RARB: variants seen among roughly 807,000 people sequenced by gnomAD.
The protein encoded by RARB is retinoic acid receptor beta, also known as HBV-activated protein.
RARB carries 17 observed loss-of-function variants against 51.9 expected under a neutral mutation model. The observed-to-expected ratio is 0.33, with a 90% CI of 0.22 to 0.49. RARB has a LOEUF of 0.49. Ranked by LOEUF, RARB falls within the 20% of genes least tolerant of loss-of-function variation. RARB has a pLI of 0.99. For missense variants in RARB, 369 were observed against 550.8 expected, an observed-to-expected ratio of 0.67 and a Z score of 3.30; for synonymous variants, 215 against 195.4, an observed-to-expected ratio of 1.10 and a Z score of -0.84.
chr3:25,084,488 A>G (rs1324599662), intron 3 of RARB, among the ~76,000 whole-genome samples: 1 of 152,038 alleles, frequency 6.6e-6, no homozygotes, highest in African/African-American at 2.4e-5. Flanking sequence ...TGTTTAGATT[A>G]CACTGGAAAT....
intron 1 of RARB, among the ~76,000 whole-genome samples, chr3:25,455,181 C>A (rs1285424403): frequency 1.3e-5 from 2 of 152,148 alleles, no homozygotes; most frequent in Non-Finnish European, 2.9e-5. Context: ...ACTTTTGGAG[C>A]AATTTGACAG....
chr3:25,389,460 T>G (rs559408961), intron 5 of RARB, among the ~76,000 whole-genome samples: 2 of 152,150 alleles, frequency 1.3e-5, no homozygotes, highest in African/African-American at 4.8e-5. Context: ...AGTCTCAATT[T>G]CCTCATCAGT....
intron 2 of RARB, among the ~76,000 whole-genome samples, chr3:24,895,307 A>G (rs544968374): frequency 6.6e-6 from 1 of 152,286 alleles, no homozygotes; most frequent in Admixed American, 6.5e-5. Flanking sequence ...TAGATTTGAT[A>G]TTACTTTTAT....
intron 3 of RARB, among the ~76,000 whole-genome samples, chr3:25,118,458 T>C (rs1206147314): frequency 6.6e-6 from 1 of 152,178 alleles, no homozygotes; most frequent in East Asian, 1.9e-4. Context: ...TTCTGTGTAA[T>C]TTATGCCAAA....
intron 5 of RARB, among the ~76,000 whole-genome samples, chr3:25,201,165 C>G (rs890846201): frequency 2.0e-5 from 3 of 151,122 alleles, no homozygotes; most frequent in Non-Finnish European, 4.4e-5. Context: ...AAGTTGTGTT[C>G]CTGGGTATTT....
At chr3:24,902,476 G>A (rs1341704500) in intron 2 of RARB, among the ~76,000 whole-genome samples, 4 of 152,014 alleles carry the variant, frequency 2.6e-5, no homozygotes, top group South Asian at 2.1e-4. Context: ...TTGGCTTATT[G>A]GCAGTGCTTT....
At chr3:25,433,801 C>G (rs186895575) in intron 1 of RARB, among the ~76,000 whole-genome samples, 22 of 152,298 alleles carry the variant, frequency 1.4e-4, no homozygotes, top group Non-Finnish European at 2.8e-4. Context: ...AGCTTCCTTA[C>G]CCCATCATTA....
intron 5 of RARB, among the ~76,000 whole-genome samples, chr3:25,301,449 C>A (rs1575295464): frequency 1.1e-5 from 1 of 94,422 alleles, no homozygotes; most frequent in Non-Finnish European, 2.5e-5. Context: ...GGTGATATAA[C>A]CATGGCTACC....
chr3:24,847,397 A>C (rs1469578803), intron 1 of RARB, among the ~76,000 whole-genome samples: 1 of 152,104 alleles, frequency 6.6e-6, no homozygotes, highest in Non-Finnish European at 1.5e-5. Context: ...GTGGAGGAAG[A>C]TTGTTCTTCA....
chr3:24,883,698 C>T (rs557676051), intron 2 of RARB, among the ~76,000 whole-genome samples: 3 of 151,854 alleles, frequency 2.0e-5, no homozygotes, highest in Admixed American at 1.3e-4. Flanking sequence ...TAATAGAACC[C>T]CTCAGAGAAA....
At chr3:25,443,607 C>A (rs2125532588) in intron 1 of RARB, among the ~76,000 whole-genome samples, 1 of 137,808 alleles carries the variant, frequency 7.3e-6, no homozygotes, top group Non-Finnish European at 1.5e-5. Context: ...ACAGACAGTC[C>A]ATCTAAAATA....
At chr3:24,949,049 A>C (rs771895464) in intron 2 of RARB, among the ~76,000 whole-genome samples, 2 of 152,234 alleles carry the variant, frequency 1.3e-5, no homozygotes, top group African/African-American at 2.4e-5. Flanking sequence ...AGGTCAAAGG[A>C]CATATTCTGT....
At chr3:25,301,566 C>T (rs1043243774) in intron 5 of RARB, among the ~76,000 whole-genome samples, 2 of 152,170 alleles carry the variant, frequency 1.3e-5, no homozygotes, top group Non-Finnish European at 2.9e-5. Context: ...TCTCTTATTT[C>T]TGCATTTTGT....
intron 1 of RARB, among the ~76,000 whole-genome samples, chr3:25,448,893 C>T (rs1181316557): frequency 6.6e-6 from 1 of 152,128 alleles, no homozygotes; most frequent in East Asian, 1.9e-4. Flanking sequence ...CCCCTCCACC[C>T]CCGCAATCCC....
intron 2 of RARB, among the ~76,000 whole-genome samples, chr3:25,001,108 T>C (rs1466229105): frequency 1.3e-5 from 2 of 151,912 alleles, no homozygotes; most frequent in Admixed American, 6.6e-5. Flanking sequence ...GAGAAATGTG[T>C]GAGGATGGAG....
chr3:25,042,580 G>A (rs1265116729), intron 2 of RARB, among the ~76,000 whole-genome samples: 1 of 152,146 alleles, frequency 6.6e-6, no homozygotes, highest in South Asian at 2.1e-4. Context: ...TAACATTCAG[G>A]CTTCTGATGG....
intron 5 of RARB, among the ~76,000 whole-genome samples, chr3:25,224,575 C>T (rs978461755): frequency 2.6e-5 from 4 of 152,078 alleles, no homozygotes; most frequent in Admixed American, 2.6e-4. Context: ...ATTAGGTGTT[C>T]AGGTAAGCTC....
At chr3:25,028,295 G>A (rs533143250) in intron 2 of RARB, among the ~76,000 whole-genome samples, 42 of 152,292 alleles carry the variant, frequency 2.8e-4, no homozygotes, top group Non-Finnish European at 4.4e-4. Flanking sequence ...GATGCAGGTG[G>A]TCTGACCAGA....
chr3:25,213,247 T>C (rs915097892), intron 5 of RARB, among the ~76,000 whole-genome samples: 8 of 152,228 alleles, frequency 5.3e-5, no homozygotes, highest in Admixed American at 1.3e-4. Context: ...AAGTCCTCGC[T>C]GTCCTGCCTT....
Sources: gnomAD v4.1 joint callset for allele counts (sites outside exome capture counted in the v4.1 genomes callset) on GRCh38, gnomAD v4.1.1 for gene constraint, MANE v1.5 for transcripts, NCBI Gene and HGNC (gene_info 2026-07-23, HGNC 2026-07-21) for gene names.